Variants in NEDD4L observed in about 807,000 individuals in gnomAD.
NEDD4L encodes NEDD4 like E3 ubiquitin protein ligase, also known as E3 ubiquitin-protein ligase NEDD4-like.
In NEDD4L, 54 loss-of-function variants were observed where a neutral mutation model predicts 148.9. The observed-to-expected ratio is 0.36, with a 90% CI of 0.29 to 0.45. The LOEUF (loss-of-function observed/expected upper bound fraction) is 0.45, where lower values mean the gene tolerates loss of function less well. NEDD4L is among the 20% of genes least tolerant of loss of function. The pLI is 1.00. For missense variants in NEDD4L, 856 were observed against 1,233.8 expected (o/e 0.69, Z 4.59); for synonymous variants, 433 against 440.7 (o/e 0.98, Z 0.22).
chr18:58,373,201 TG>T lies in NEDD4L; in HGVS notation c.2286del (p.Trp762Ter). Reference sequence around the variant, plus strand: ...TAGTGAATATTACAACTCTTTGAAATGGATCCTGGAGAATGACCCTACTGAG... The same window carrying T: ...TAGTGAATATTACAACTCTTTGAAATGATCCTGGAGAATGACCCTACTGAG... ...VDSEYYNSLKWILENDPTELD... is the reference protein window; with the variant it reads ...VDSEYYNSLKXILENDPTELD... On this transcript the variant is annotated frameshift_variant, in exon 24 of 31. Transcript: ENST00000400345. LOFTEE classifies it high-confidence loss of function. 1 of 1,572,692 alleles carries T rather than the reference TG, an allele frequency of 6.4e-7. No homozygotes were observed.
intron 1 of NEDD4L, chr18:58,091,433 CAA>C (rs1285019286): frequency 6.6e-6 from 1 of 151,800 alleles, no homozygotes; most frequent in Admixed American, 6.6e-5. Context: ...GAAGATGAAA[CAA>C]GATGAGATGG....
At chr18:58,044,732 C>G (rs117325095) in intron 1 of NEDD4L, 24 bp downstream of exon 1, 2 of 1,601,564 alleles carry the variant, frequency 1.2e-6, no homozygotes, top group Non-Finnish European at 1.7e-6. Flanking sequence ...CCTTCCTGCT[C>G]GGGACTCCCC....
Position 58,092,946 on chromosome 18 carries a change from C to T in NEDD4L, c.48+48238C>T, listed in dbSNP as rs187844491. On this transcript the variant is annotated intron_variant, in intron 1 of 30. Coordinates refer to ENST00000400345, the MANE Select transcript of NEDD4L (RefSeq NM_001144967.3). ...CATGATCTCGGCTCACTGCAAGCTC[C>T]GCCTCCCAAGTTCACGCCATTCTCC... Among the ~76,000 whole-genome samples the T allele has an allele frequency of 1.1e-3, 167 of 151,472 alleles. 1 individual carries two copies. Among genetic ancestry groups the T allele is most frequent in the African/African-American group, 3.9e-3 (161 of 41,242 alleles).
intron 1 of NEDD4L, among the ~76,000 whole-genome samples, chr18:58,126,603 C>T (rs2031147824): frequency 6.6e-6 from 1 of 152,114 alleles, no homozygotes; most frequent in Non-Finnish European, 1.5e-5. Flanking sequence ...CACTTGTGTG[C>T]AGGTTTTTGT....
chr18:58,324,510 C>T (rs953947776), intron 8 of NEDD4L, among the ~76,000 whole-genome samples: 1 of 152,194 alleles, frequency 6.6e-6, no homozygotes, highest in African/African-American at 2.4e-5. Context: ...CCTCTGGTCC[C>T]CTGTGCCATG....
rs973599803 is a variant in NEDD4L at position 58,256,126 on chromosome 18, A to T, written c.297+4072A>T. ...CCCCTCCGAGGGCAGCCCGGGACCC[A>T]GGGCTCCAGGTCAACGGCACGTGCG... On this transcript the variant is annotated intron_variant, in intron 5 of 30. Coordinates refer to ENST00000400345, the MANE Select transcript of NEDD4L (RefSeq NM_001144967.3). The surrounding 1 kb of genome is among the most constrained non-coding windows in gnomAD (Gnocchi z 5.2). The T allele has an allele frequency of 2.4e-6, 3 of 1,225,658 alleles. No individual in the cohort carries two copies. In the Admixed American group the frequency reaches 1.3e-4, roughly 52 times the overall value. 75.9% of individuals were successfully genotyped at this position (1,225,658 alleles called of 1,614,324 possible). A position where few individuals can be genotyped will look rare whatever the true frequency, so the allele number is the denominator to read the frequency against.
At chr18:58,068,670 A>C (rs2082727433) in intron 1 of NEDD4L, among the ~76,000 whole-genome samples, 1 of 152,228 alleles carries the variant, frequency 6.6e-6, no homozygotes, top group African/African-American at 2.4e-5. Context: ...GCATTTCTCT[A>C]CTGTCTTGGG....
At chr18:58,109,594 C>T (rs1228571007) in intron 1 of NEDD4L, among the ~76,000 whole-genome samples, 5 of 104,442 alleles carry the variant, frequency 4.8e-5, no homozygotes, top group South Asian at 2.9e-4. Flanking sequence ...TTTTTTGAGA[C>T]GGAGTCTCAC....
intron 1 of NEDD4L, among the ~76,000 whole-genome samples, chr18:58,104,930 C>T (rs974666753): frequency 2.7e-5 from 4 of 146,538 alleles, no homozygotes; most frequent in African/African-American, 7.5e-5. Flanking sequence ...TTCTGAGATG[C>T]GTCTTCTACA....
chr18:58,321,622 A>G (rs191432793), intron 6 of NEDD4L, among the ~76,000 whole-genome samples: 2 of 152,388 alleles, frequency 1.3e-5, no homozygotes, highest in East Asian at 3.9e-4. Context: ...GCATACGTAC[A>G]TACATGTGTG....
chr18:58,250,044 C>T (rs892162566), intron 4 of NEDD4L, among the ~76,000 whole-genome samples: 15 of 152,234 alleles, frequency 9.9e-5, no homozygotes, highest in African/African-American at 3.4e-4. Context: ...GGCACAGTTA[C>T]ATAAATGTTA....
At chr18:58,082,102 A>ATATATATTTTTT in intron 1 of NEDD4L, among the ~76,000 whole-genome samples, 14 of 48,818 alleles carry the variant, frequency 2.9e-4, no homozygotes, top group Admixed American at 6.7e-4. Flanking sequence ...ATATATATAT[A>ATATATATTTTTT]TTTTTTTTTT....
intron 1 of NEDD4L, among the ~76,000 whole-genome samples, chr18:58,114,268 A>G (rs2085618597): frequency 1.3e-5 from 2 of 152,254 alleles, no homozygotes; most frequent in South Asian, 4.1e-4. Context: ...TGTTGCTTCT[A>G]GTGACAGTTT....
At chr18:58,385,494 G>A in intron 25 of NEDD4L, 32 bp from the exon 26 acceptor site, 1 of 1,568,400 alleles carries the variant, frequency 6.4e-7, no homozygotes, top group Non-Finnish European at 8.8e-7. Flanking sequence ...GATGATGGAG[G>A]TGGTTCAATA....
intron 13 of NEDD4L, 90 bp from the exon 14 acceptor site, chr18:58,340,947 GA>G: frequency 7.5e-7 from 1 of 1,337,822 alleles, no homozygotes; most frequent in Non-Finnish European, 1.0e-6. Context: ...TTTGTCTAGA[GA>G]AAATAATTAT....
chr18:58,156,342 G>A (rs1317939489), intron 1 of NEDD4L, among the ~76,000 whole-genome samples: 1 of 152,156 alleles, frequency 6.6e-6, no homozygotes, highest in African/African-American at 2.4e-5. Flanking sequence ...TTGCATCCCT[G>A]ATATTTTGAA....
intron 24 of NEDD4L, among the ~76,000 whole-genome samples, chr18:58,380,336 T>TTTA (rs1366778400): frequency 4.4e-5 from 5 of 114,942 alleles, no homozygotes; most frequent in African/African-American, 2.1e-4. Context: ...TTATTTATTT[T>TTTA]GAGATGGAGT....
intron 1 of NEDD4L, among the ~76,000 whole-genome samples, chr18:58,130,785 T>C (rs988693113): frequency 2.4e-4 from 34 of 143,892 alleles, no homozygotes; most frequent in Non-Finnish European, 4.2e-4. Context: ...AGTGTTGGGC[T>C]CTGGATTTGG....
intron 1 of NEDD4L, among the ~76,000 whole-genome samples, chr18:58,058,034 G>A (rs2082164168): frequency 6.6e-6 from 1 of 152,150 alleles, no homozygotes; most frequent in African/African-American, 2.4e-5. Context: ...AAGGCCGGCC[G>A]CGGTGGCTCA....
Sources: allele counts gnomAD v4.1 joint callset (sites outside exome capture counted in the v4.1 genomes callset), GRCh38; gene constraint gnomAD v4.1.1; non-coding constraint Gnocchi (gnomAD v3.1); transcripts MANE v1.5; gene names NCBI Gene and HGNC (gene_info 2026-07-23, HGNC 2026-07-21).